The following NEIL2 variants were observed in gnomAD, a reference collection of about 807,000 sequenced individuals.
The protein encoded by NEIL2 is endonuclease 8-like 2.
A neutral mutation model predicts 22.2 loss-of-function variants in NEIL2; 23 were observed. The ratio of observed to expected loss-of-function variants is 1.04; its 90% CI spans 0.75 to 1.47. The LOEUF (loss-of-function observed/expected upper bound fraction) is 1.47, where lower values mean the gene tolerates loss of function less well. Ranked by LOEUF, NEIL2 falls within the 40% of genes most tolerant of loss-of-function variation. NEIL2 has a pLI of 0.00. For missense variants in NEIL2, 583 were observed against 404.7 expected, an observed-to-expected ratio of 1.44 and a Z score of -3.78; for synonymous variants, 229 against 164.8, an observed-to-expected ratio of 1.39 and a Z score of -2.99.
intron 2 of NEIL2, among the ~76,000 whole-genome samples, chr8:11,776,140 A>C (rs1803887345): frequency 6.6e-6 from 1 of 152,240 alleles, no homozygotes; most frequent in Non-Finnish European, 1.5e-5. Flanking sequence ...ACAATTCCAC[A>C]TGTCTGGGGA....
At chr8:11,771,719 C>T (rs986959471) in intron 2 of NEIL2, 134 bp downstream of exon 2, 2 of 853,866 alleles carry the variant, frequency 2.3e-6, no homozygotes, top group Middle Eastern at 2.4e-4. Context: ...GCAGCTCCCT[C>T]TTTCAGTCTC....
chr8:11,775,155 G>T (rs1803797770), intron 2 of NEIL2, among the ~76,000 whole-genome samples: 1 of 152,342 alleles, frequency 6.6e-6, no homozygotes, highest in Non-Finnish European at 1.5e-5. Flanking sequence ...GGTTCTCAAT[G>T]AGGGCTCTGC....
At chr8:11,781,553 C>T (rs998305021) in intron 3 of NEIL2, among the ~76,000 whole-genome samples, 2 of 152,222 alleles carry the variant, frequency 1.3e-5, no homozygotes, top group African/African-American at 2.4e-5. Flanking sequence ...CAGCTGGAGG[C>T]ATTGAAATGT....
intron 2 of NEIL2, among the ~76,000 whole-genome samples, chr8:11,777,625 T>C (rs1804025499): frequency 6.6e-6 from 1 of 152,196 alleles, no homozygotes; most frequent in Non-Finnish European, 1.5e-5. Context: ...TCAGTGGAAT[T>C]ATACAGTATT....
intron 3 of NEIL2, chr8:11,782,768 G>A (rs960668583): frequency 7.4e-6 from 2 of 268,986 alleles, no homozygotes; most frequent in East Asian, 9.8e-5. Flanking sequence ...CTCTGACTAC[G>A]TTGTGGTAAC....
Position 11,782,982 on chromosome 8 carries a change from ATG to A in NEIL2, c.492-215_492-214del. 1.9e-5 allele frequency: 12 copies of A among 617,970 alleles called. No homozygotes were observed. In the Middle Eastern group the frequency reaches 1.3e-3, roughly 65 times the overall value. The allele number at this position is 617,970 out of a possible 1,614,324, so 38.3% of individuals were successfully genotyped here. On this transcript the variant is annotated intron_variant, in intron 3 of 4. Coordinates refer to ENST00000284503, the MANE Select transcript of NEIL2 (RefSeq NM_145043.4). ...ACTATGTTGTGGTAATGATGTGGGG[ATG>A]TGTGTATGTGTGCATGATCCAGCCA...
chr8:11,785,732 C>T (rs1458133346), intron 4 of NEIL2, among the ~76,000 whole-genome samples: 1 of 152,160 alleles, frequency 6.6e-6, no homozygotes, highest in Non-Finnish European at 1.5e-5. Context: ...TTTTGATAGC[C>T]TGTTTGCCAT....
intron 3 of NEIL2, among the ~76,000 whole-genome samples, chr8:11,781,927 G>T (rs568873275): frequency 6.6e-6 from 1 of 152,108 alleles, no homozygotes; most frequent in East Asian, 1.9e-4. Flanking sequence ...AACCGGGTGT[G>T]GGGGTGCATA....
chr8:11,771,947 G>T (rs1803489566), intron 2 of NEIL2, among the ~76,000 whole-genome samples: 1 of 152,156 alleles, frequency 6.6e-6, no homozygotes, highest in Non-Finnish European at 1.5e-5. Context: ...GCTCGCACCT[G>T]TAATCCCAGC....
rs1290822087 is a variant in NEIL2 at position 11,770,087 on chromosome 8, C to A, written c.-251C>A. On this transcript the variant is annotated 5_prime_UTR_variant, in exon 1 of 5. Coordinates refer to ENST00000284503, the MANE Select transcript of NEIL2 (RefSeq NM_145043.4). ...GGCGCAGCGCCAGCCTCGAGCTCCT[C>A]GGTAGCCCCCGGGCAGGGAGGGCCG... The A allele has an allele frequency of 2.6e-5, 4 of 152,242 alleles. No individual in the cohort carries two copies. The East Asian group carries it at 5.8e-4, about 22-fold the overall frequency. 9.4% of individuals were successfully genotyped at this position (152,242 alleles called of 1,614,324 possible).
intron 3 of NEIL2, 33 bp from the exon 4 acceptor site, chr8:11,783,170 G>A (rs749038789): frequency 6.1e-5 from 97 of 1,598,838 alleles, no homozygotes; most frequent in Admixed American, 1.7e-4. Context: ...CTGTGGTAAC[G>A]ATGTGTACAT....
At chr8:11,780,887 C>G (rs1049828405) in intron 3 of NEIL2, among the ~76,000 whole-genome samples, 1 of 152,142 alleles carries the variant, frequency 6.6e-6, no homozygotes, top group Non-Finnish European at 1.5e-5. Context: ...TTGTGTACTT[C>G]TTATCAATGT....
intron 2 of NEIL2, among the ~76,000 whole-genome samples, chr8:11,774,032 C>T (rs1449925245): frequency 6.6e-6 from 1 of 152,188 alleles, no homozygotes; most frequent in African/African-American, 2.4e-5. Flanking sequence ...AACAAAGGCA[C>T]ATCCTACATG....
At chr8:11,778,364 G>C (rs542707859) in intron 2 of NEIL2, among the ~76,000 whole-genome samples, 4 of 147,640 alleles carry the variant, frequency 2.7e-5, no homozygotes, top group Non-Finnish European at 4.4e-5. Flanking sequence ...TCTGTGCTCA[G>C]ATTTACAGAT....
rs371715771 is a variant in NEIL2 at position 11,779,615 on chromosome 8, A to C, written c.156A>C (p.Leu52Phe). Residue 52 changes from leucine (L) to phenylalanine (F), a missense_variant, in exon 3 of 5, where the codon TTA (leucine) becomes TTC (phenylalanine). Coordinates refer to ENST00000284503, the MANE Select transcript of NEIL2 (RefSeq NM_145043.4). ...TTTTCTAGGTCCATGGAAAGAAATT[A>C]TTCCTTAGATTTGATCTAGATGAAG... ...LQDTQVHGKK[L>F]FLRFDLDEEM... is the part of the protein sequence containing the mutation. 26 of 1,612,578 alleles carry C rather than the reference A, an allele frequency of 1.6e-5. No homozygotes were observed. The highest frequency in any genetic ancestry group is 2.2e-5 in the Non-Finnish European group (26 of 1,179,470).
At chr8:11,779,046 C>T (rs1225621700) in intron 2 of NEIL2, among the ~76,000 whole-genome samples, 1 of 149,190 alleles carries the variant, frequency 6.7e-6, no homozygotes, top group Non-Finnish European at 1.5e-5. Context: ...TGAGGTGGGT[C>T]CTTTGCCTTA....
At position 11,783,416 on chromosome 8, in the gene NEIL2, A is replaced by G. The variant is rs754899069; in HGVS notation, c.688+17A>G. ...CAGGGCTAGGTATGACTCATGGGAA[A>G]GGGGTGAGTCCACAGAGTTGCTTCA... On this transcript the variant is annotated intron_variant, in intron 4 of 4. Coordinates refer to ENST00000284503, the MANE Select transcript of NEIL2 (RefSeq NM_145043.4). 3 of 1,607,936 alleles carry G rather than the reference A, an allele frequency of 1.9e-6. No individual in the cohort carries two copies. In the East Asian group the frequency reaches 6.7e-5, roughly 36 times the overall value.
chr8:11,780,608 C>T (rs1314496511), intron 3 of NEIL2, among the ~76,000 whole-genome samples: 1 of 152,294 alleles, frequency 6.6e-6, no homozygotes, highest in East Asian at 1.9e-4. Context: ...GTCTGGAACT[C>T]CTGGCCTCAA....
At chr8:11,775,873 C>T (rs530762685) in intron 2 of NEIL2, among the ~76,000 whole-genome samples, 1 of 152,356 alleles carries the variant, frequency 6.6e-6, no homozygotes, top group East Asian at 1.9e-4. Flanking sequence ...TCACTATCAG[C>T]ATTTTGATCA....
Sources: gnomAD v4.1 joint callset for allele counts (sites outside exome capture counted in the v4.1 genomes callset) on GRCh38, gnomAD v4.1.1 for gene constraint, MANE v1.5 for transcripts, NCBI Gene and HGNC (gene_info 2026-07-23, HGNC 2026-07-21) for gene names.